The following GRID2 variants were observed in gnomAD, a reference collection of about 807,000 sequenced individuals.
GRID2 encodes glutamate receptor ionotropic, delta-2.
In GRID2, 33 loss-of-function variants were observed where a neutral mutation model predicts 114.8. The ratio of observed to expected loss-of-function variants is 0.29; its 90% confidence interval spans 0.22 to 0.38. The LOEUF is 0.38. Among genes scored for constraint, GRID2 ranks in the 10% least tolerant of loss-of-function variants. GRID2 has a pLI of 1.00. For missense variants in GRID2, 1,184 were observed against 1,257.7 expected (o/e 0.94, Z 0.89); for synonymous variants, 505 against 449.9 (o/e 1.12, Z -1.55).
intron 2 of GRID2, among the ~76,000 whole-genome samples, chr4:93,078,475 A>T (rs1729534853): frequency 6.6e-6 from 1 of 151,470 alleles, no homozygotes; most frequent in African/African-American, 2.4e-5. Context: ...TGATATAGAA[A>T]TACATTTTAT....
intron 8 of GRID2, among the ~76,000 whole-genome samples, chr4:93,314,540 G>A (rs1347848885): frequency 2.0e-5 from 3 of 151,846 alleles, no homozygotes; most frequent in African/African-American, 7.3e-5. Flanking sequence ...TGTTCTCCCA[G>A]GCAAAATAGC....
intron 2 of GRID2, among the ~76,000 whole-genome samples, chr4:92,788,844 A>G (rs1278326456): frequency 2.0e-5 from 3 of 151,534 alleles, no homozygotes; most frequent in Non-Finnish European, 4.4e-5. Flanking sequence ...TATTTTTTGT[A>G]TGTTTTATAA....
At chr4:92,622,377 GA>G (rs1414904991) in intron 2 of GRID2, among the ~76,000 whole-genome samples, 1 of 151,518 alleles carries the variant, frequency 6.6e-6, no homozygotes, top group Non-Finnish European at 1.5e-5. Flanking sequence ...TCTTCAGAAA[GA>G]AAAAAATTCT....
intron 4 of GRID2, among the ~76,000 whole-genome samples, chr4:93,163,368 A>ATG (rs1737890620): frequency 2.1e-5 from 1 of 47,988 alleles, no homozygotes; most frequent in African/African-American, 1.2e-4. Context: ...ATATATATAT[A>ATG]TATATATATA....
At chr4:93,533,461 C>T (rs1731709438) in intron 13 of GRID2, among the ~76,000 whole-genome samples, 1 of 151,000 alleles carries the variant, frequency 6.6e-6, no homozygotes, top group Non-Finnish European at 1.5e-5. Context: ...GCAACCTCTG[C>T]CTCCTGAGTT....
At chr4:93,440,421 C>T (rs1721518467) in intron 10 of GRID2, among the ~76,000 whole-genome samples, 1 of 152,032 alleles carries the variant, frequency 6.6e-6, no homozygotes, top group Admixed American at 6.6e-5. Flanking sequence ...GACTTTCATT[C>T]TTACATGAGA....
intron 2 of GRID2, among the ~76,000 whole-genome samples, chr4:92,715,337 AC>A (rs772516450): frequency 6.6e-6 from 1 of 152,012 alleles, no homozygotes; most frequent in Non-Finnish European, 1.5e-5. Context: ...ATTCAACACG[AC>A]TTTAGGGAAT....
chr4:92,945,969 T>G (rs957175251), intron 2 of GRID2, among the ~76,000 whole-genome samples: 1 of 152,124 alleles, frequency 6.6e-6, no homozygotes, highest in African/African-American at 2.4e-5. Flanking sequence ...TTTACATGCC[T>G]TCCAGAAATA....
At chr4:93,132,610 G>A (rs769068780) in intron 4 of GRID2, among the ~76,000 whole-genome samples, 6 of 152,098 alleles carry the variant, frequency 3.9e-5, no homozygotes, top group African/African-American at 9.7e-5. Flanking sequence ...GAACTTCAAC[G>A]TGACATATAT....
intron 4 of GRID2, 28 bp from the exon 5 acceptor site, chr4:93,207,376 C>T: frequency 7.9e-6 from 12 of 1,514,908 alleles, no homozygotes; most frequent in Non-Finnish European, 1.0e-5. Flanking sequence ...TTAATTTTGA[C>T]TGATAGCTGA....
At chr4:93,582,902 A>G (rs964637583) in intron 13 of GRID2, among the ~76,000 whole-genome samples, 1 of 152,160 alleles carries the variant, frequency 6.6e-6, no homozygotes, top group Non-Finnish European at 1.5e-5. Context: ...TCCTGGCTCA[A>G]AATAACAGAA....
At chr4:93,683,123 A>T (rs894791383) in intron 14 of GRID2, among the ~76,000 whole-genome samples, 1 of 151,798 alleles carries the variant, frequency 6.6e-6, no homozygotes, top group African/African-American at 2.4e-5. Flanking sequence ...GGGGGAAAAA[A>T]AGCTCTCTAT....
At chr4:92,719,965 C>T (rs1268646434) in intron 2 of GRID2, among the ~76,000 whole-genome samples, 1 of 151,912 alleles carries the variant, frequency 6.6e-6, no homozygotes, top group Non-Finnish European at 1.5e-5. Flanking sequence ...AAGGATTTTC[C>T]ACCTTAGAAT....
chr4:93,298,750 T>C (rs946957404), intron 8 of GRID2, among the ~76,000 whole-genome samples: 15 of 152,242 alleles, frequency 9.9e-5, no homozygotes, highest in Non-Finnish European at 1.8e-4. Flanking sequence ...TCCTGACATA[T>C]CTTCTTAATT....
intron 14 of GRID2, among the ~76,000 whole-genome samples, chr4:93,635,043 G>A (rs187969803): frequency 1.5e-3 from 230 of 151,778 alleles, no homozygotes; most frequent in African/African-American, 5.4e-3. Context: ...TTTACTACCC[G>A]GTAAATAAAT....
At chr4:92,485,897 G>T (rs190947659) in intron 1 of GRID2, among the ~76,000 whole-genome samples, 80 of 151,538 alleles carry the variant, frequency 5.3e-4, no homozygotes, top group African/African-American at 1.6e-3. Context: ...AATTTTCTGG[G>T]CCTGGAAACA....
intron 2 of GRID2, among the ~76,000 whole-genome samples, chr4:92,774,062 A>G (rs1738667855): frequency 6.6e-6 from 1 of 152,154 alleles, no homozygotes; most frequent in Non-Finnish European, 1.5e-5. Context: ...AAATAATTTT[A>G]GTTGCATAGT....
At chr4:93,739,595 G>A (rs981557971) in intron 14 of GRID2, among the ~76,000 whole-genome samples, 2 of 152,028 alleles carry the variant, frequency 1.3e-5, no homozygotes, top group African/African-American at 2.4e-5. Flanking sequence ...CTTGATATTA[G>A]GTACTTTAAG....
At chr4:92,352,642 T>C (rs1317017890) in intron 1 of GRID2, among the ~76,000 whole-genome samples, 4 of 152,018 alleles carry the variant, frequency 2.6e-5, no homozygotes, top group African/African-American at 9.7e-5. Flanking sequence ...GTGGATTTAA[T>C]TTGCATTTCC....
Sources: allele counts gnomAD v4.1 joint callset (sites outside exome capture counted in the v4.1 genomes callset), GRCh38; gene constraint gnomAD v4.1.1; transcripts MANE v1.5; gene names NCBI Gene and HGNC (gene_info 2026-07-23, HGNC 2026-07-21).